The following NFE2 variants were observed in gnomAD, a reference collection of about 807,000 sequenced individuals.
NFE2 encodes transcription factor NF-E2 45 kDa subunit.
In NFE2, 13 loss-of-function variants were observed where a neutral mutation model predicts 25.8. The ratio of observed to expected loss-of-function variants is 0.50; its 90% confidence interval spans 0.33 to 0.80. The LOEUF (loss-of-function observed/expected upper bound fraction) is 0.80, where lower values mean the gene tolerates loss of function less well. NFE2 is among the 30% of genes least tolerant of loss of function. The pLI, the probability that NFE2 is intolerant of heterozygous loss-of-function variation, is 0.02. For synonymous variants in NFE2, 204 were observed against 200.2 expected, an observed-to-expected ratio of 1.02 and a Z score of -0.16; for missense variants, 382 against 478.9, an observed-to-expected ratio of 0.80 and a Z score of 1.89.
chr12:54,295,016 C>T (rs1213195310), intron 2 of NFE2, 119 bp downstream of exon 2: 1 of 758,170 alleles, frequency 1.3e-6, no homozygotes, highest in African/African-American at 1.7e-5. Flanking sequence ...TTCCCAGTGC[C>T]TGGAGCATTA....
chr12:54,298,957 A>G (rs1944398593), intron 1 of NFE2, among the ~76,000 whole-genome samples: 1 of 151,976 alleles, frequency 6.6e-6, no homozygotes, highest in East Asian at 1.9e-4. Context: ...CGGTTGAGGC[A>G]TGAGAATTGC....
intron 2 of NFE2, among the ~76,000 whole-genome samples, chr12:54,294,237 C>CAA (rs1425826902): frequency 2.5e-3 from 197 of 79,506 alleles, no homozygotes; most frequent in African/African-American, 7.8e-3. Flanking sequence ...GACACCGTCT[C>CAA]AAAAAAAAAA....
At chr12:54,298,333 C>A (rs577278554) in intron 1 of NFE2, among the ~76,000 whole-genome samples, 1 of 151,836 alleles carries the variant, frequency 6.6e-6, no homozygotes, top group African/African-American at 2.4e-5. Context: ...CATGGAGAAA[C>A]CTTGTCTCTA....
At chr12:54,294,237 CAA>C (rs1425826902) in intron 2 of NFE2, among the ~76,000 whole-genome samples, 28 of 79,450 alleles carry the variant, frequency 3.5e-4, no homozygotes, top group East Asian at 3.7e-4. Context: ...GACACCGTCT[CAA>C]AAAAAAAAAA....
chr12:54,295,517 T>A, intron 1 of NFE2: 1 of 374,270 alleles, frequency 2.7e-6, no homozygotes, highest in South Asian at 3.1e-5. Context: ...CACAGTCAGT[T>A]CCTTTGGTAG....
At chr12:54,295,327 T>A in intron 1 of NFE2, 23 bp from the exon 2 acceptor site, 1 of 1,176,840 alleles carries the variant, frequency 8.5e-7, no homozygotes, top group Non-Finnish European at 1.3e-6. Flanking sequence ...AAAAGAGGTG[T>A]TAGAGCTACA....
At chr12:54,300,047 G>C (rs1944409321) in intron 1 of NFE2, 1 of 152,134 alleles carries the variant, frequency 6.6e-6, no homozygotes, top group Non-Finnish European at 1.5e-5. Flanking sequence ...AAAGAAGAGG[G>C]GGACGAGTTT....
At chr12:54,296,531 A>T (rs1005326767) in intron 1 of NFE2, among the ~76,000 whole-genome samples, 1 of 152,020 alleles carries the variant, frequency 6.6e-6, no homozygotes, top group Non-Finnish European at 1.5e-5. Flanking sequence ...CCTGACTATA[A>T]TGTCTTCTAG....
intron 1 of NFE2, among the ~76,000 whole-genome samples, chr12:54,298,681 T>C (rs1427848969): frequency 6.6e-6 from 1 of 152,056 alleles, no homozygotes; most frequent in Non-Finnish European, 1.5e-5. Context: ...CTGGGCTACA[T>C]GTAAAGACAC....
chr12:54,292,857 C>A lies in NFE2; in HGVS notation c.639G>T (p.Arg213=), dbSNP rs1336872125. The change falls in exon 3 of 3, where the codon CGG becomes CGT. Residue 213 remains arginine, a synonymous_variant. Transcript: ENST00000435572. ...LALEPSSGPV[R]AKPTARGEAG... ...CCTCCCCCCGTGCAGTGGGCTTAGC[C>A]CGCACAGGGCCTGAGGAGGGCTCTA... 1 of 1,614,014 alleles carries A rather than the reference C, an allele frequency of 6.2e-7. No homozygotes were observed. The highest frequency in any genetic ancestry group is 1.3e-5 in the African/African-American group (1 of 74,932).
Position 54,300,907 on chromosome 12 carries a change from T to C in NFE2, c.-163A>G, listed in dbSNP as rs994203730. 1.3e-5 allele frequency: 2 copies of C among 152,778 alleles called. No homozygotes were observed. Among genetic ancestry groups the C allele is most frequent in the East Asian group, 1.9e-4 (1 of 5,190 alleles). 9.5% of individuals were successfully genotyped at this position (152,778 alleles called of 1,614,324 possible). On this transcript the variant is annotated 5_prime_UTR_variant, in exon 1 of 3. Coordinates refer to ENST00000435572, the MANE Select transcript of NFE2 (RefSeq NM_001136023.3). ...TGCTGGACGAGGATCCCGGCTACCT[T>C]TGAGAATCTGCGAGGACCGCGCCCC... is the stretch of plus-strand genomic sequence containing the variant.
chr12:54,293,500 T>C (rs112958557), intron 2 of NFE2, 119 bp from the exon 3 acceptor site: 2 of 1,168,720 alleles, frequency 1.7e-6, no homozygotes. Context: ...GGAAACAAAG[T>C]TGCCACAAAT....
Position 54,293,040 on chromosome 12 carries a change from A to G in NFE2, c.456T>C (p.Tyr152=). The change falls in exon 3 of 3, where the codon TAT becomes TAC. Residue 152 remains tyrosine, a synonymous_variant. Transcript: ENST00000435572. ...PESDSGLSLN[Y]SDAESLELEG... is the part of the protein sequence containing the mutation. ...CCAGCTCAAGAGATTCAGCATCGCT[A>G]TAGTTGAGGGATAATCCTGAGTCGG... 1 of 1,527,432 alleles carries G rather than the reference A, an allele frequency of 6.5e-7. No individual in the cohort carries two copies. The highest frequency in any genetic ancestry group is 8.8e-7 in the Non-Finnish European group (1 of 1,138,666). 94.6% of individuals were successfully genotyped at this position (1,527,432 alleles called of 1,614,324 possible).
intron 1 of NFE2, among the ~76,000 whole-genome samples, chr12:54,298,222 A>G (rs188850655): frequency 1.3e-5 from 2 of 152,156 alleles, no homozygotes; most frequent in East Asian, 3.9e-4. Context: ...AAGATACAAG[A>G]CCTTGCTACG....
At chr12:54,300,518 C>A (rs1944413847) in intron 1 of NFE2, among the ~76,000 whole-genome samples, 1 of 152,138 alleles carries the variant, frequency 6.6e-6, no homozygotes, top group Admixed American at 6.5e-5. Flanking sequence ...CTGGCTACTC[C>A]CCAGCCCCTC....
intron 2 of NFE2, 59 bp downstream of exon 2, chr12:54,295,076 C>A (rs538895955): frequency 7.6e-5 from 110 of 1,447,890 alleles, no homozygotes; most frequent in Admixed American, 3.5e-4. Context: ...TCCTGGCCAA[C>A]TCCCTGCTTC....
rs1592180563 is a variant in NFE2 at position 54,295,061 on chromosome 12, C to G, written c.114+74G>C. 3.2e-6 allele frequency: 4 copies of G among 1,262,314 alleles called. No homozygotes were observed. The South Asian group carries it at 3.7e-5, about 12-fold the overall frequency. 78.2% of individuals were successfully genotyped at this position (1,262,314 alleles called of 1,614,324 possible). ...AGCCCTGCTTGCTCCTGCCCTCTGCCTCAGTCCTGGCCAACTCCCTGCTTC... is the reference window on the plus strand; with the variant it reads ...AGCCCTGCTTGCTCCTGCCCTCTGCGTCAGTCCTGGCCAACTCCCTGCTTC... On this transcript the variant is annotated intron_variant, in intron 2 of 2. Transcript: ENST00000435572.
rs1481151479 is a variant in NFE2, at chr12:54,300,551, C to A, written c.-57+250G>T. ...CTCAGCGGTGCCTTGCCTCTGGAGACCCCTCTCTGATCCCCATTCACAGCC... is the reference window on the plus strand; with the variant it reads ...CTCAGCGGTGCCTTGCCTCTGGAGAACCCTCTCTGATCCCCATTCACAGCC... On this transcript the variant is annotated intron_variant, in intron 1 of 2. Coordinates refer to ENST00000435572, the MANE Select transcript of NFE2 (RefSeq NM_001136023.3). Among the ~76,000 whole-genome samples, 5 of 152,088 alleles carry A rather than the reference C, an allele frequency of 3.3e-5. No individual in the cohort carries two copies. In the East Asian group the frequency reaches 9.6e-4, roughly 29 times the overall value.
intron 1 of NFE2, among the ~76,000 whole-genome samples, chr12:54,298,168 A>C (rs909476322): frequency 3.9e-5 from 6 of 152,130 alleles, no homozygotes; most frequent in African/African-American, 1.4e-4. Context: ...TGCAGTACAA[A>C]GATCCTGCCC....
Sources: allele counts gnomAD v4.1 joint callset (sites outside exome capture counted in the v4.1 genomes callset), GRCh38; gene constraint gnomAD v4.1.1; transcripts MANE v1.5; gene names NCBI Gene and HGNC (gene_info 2026-07-23, HGNC 2026-07-21).